Variants in BOK observed in about 807,000 individuals in gnomAD.
BOK encodes BCL2 family apoptosis regulator BOK.
Under a neutral mutation model 18.3 loss-of-function variants are expected in BOK, and 20 were observed. The ratio of observed to expected loss-of-function variants is 1.09; its 90% confidence interval spans 0.77 to 1.59. BOK has a LOEUF of 1.59. Among genes scored for constraint, BOK ranks in the 40% most tolerant of loss-of-function variants. The pLI, the probability that BOK is intolerant of heterozygous loss-of-function variation, is 0.00. For synonymous variants in BOK, 173 were observed against 142.4 expected (o/e 1.21, Z -1.53); for missense variants, 348 against 307.9 (o/e 1.13, Z -0.97).
In BOK at chr2:241,568,829, GTGAC is replaced by G. The variant is rs576573691; in HGVS notation, c.350-1292_350-1289del. Among the ~76,000 whole-genome samples the G allele has an allele frequency of 1.4e-3, 206 of 152,376 alleles. 1 individual carries two copies. Among genetic ancestry groups the G allele is most frequent in the African/African-American group, 4.4e-3 (185 of 41,590 alleles). On this transcript the variant is annotated intron_variant, in intron 3 of 4. Coordinates refer to ENST00000318407, the MANE Select transcript of BOK (RefSeq NM_032515.5). ...TGTGAATTGGCTGCTGTGAATGTCTGTGACTGAGTGTTTGTTTGAGCTGATTTAT... is the reference window on the plus strand; with the variant it reads ...TGTGAATTGGCTGCTGTGAATGTCTGTGAGTGTTTGTTTGAGCTGATTTAT...
intron 2 of BOK, among the ~76,000 whole-genome samples, chr2:241,561,443 C>A (rs1275286832): frequency 6.6e-6 from 1 of 150,468 alleles, no homozygotes; most frequent in Non-Finnish European, 1.5e-5. Flanking sequence ...AGCGGCCCAG[C>A]CAGCCCAGGT....
chr2:241,552,064 G>C (rs1033248849), intron 1 of BOK, among the ~76,000 whole-genome samples: 1 of 152,220 alleles, frequency 6.6e-6, no homozygotes, highest in Non-Finnish European at 1.5e-5. Flanking sequence ...GTCTCACTGA[G>C]GGTGCTGGGG....
At position 241,558,889 on chromosome 2, in the gene BOK, GC is replaced by G. The variant is rs2066478402; in HGVS notation, c.-133del. 1 of 151,824 alleles carries G rather than the reference GC, an allele frequency of 6.6e-6. No individual in the cohort carries two copies. Among genetic ancestry groups the G allele is most frequent in the Non-Finnish European group, 1.5e-5 (1 of 67,922 alleles). The allele number at this position is 151,824 out of a possible 1,614,324, so 9.4% of individuals were successfully genotyped here. A position where few individuals can be genotyped will look rare whatever the true frequency, so the allele number is the denominator to read the frequency against. On this transcript the variant is annotated 5_prime_UTR_variant, in exon 1 of 5. Coordinates refer to ENST00000318407, the MANE Select transcript of BOK (RefSeq NM_032515.5). ...GACGGGGCGGGCGCCGGGGCGGGGCGCGCGTCCTCGCGGGTCTGAATGGAAG... is the reference window on the plus strand; with the variant it reads ...GACGGGGCGGGCGCCGGGGCGGGGCGGCGTCCTCGCGGGTCTGAATGGAAG...
rs990497149 is a variant in BOK at position 241,572,554 on chromosome 2, G to A, written c.*132G>A. The A allele has an allele frequency of 1.8e-5, 25 of 1,369,922 alleles. No individual in the cohort carries two copies. Among genetic ancestry groups the A allele is most frequent in the East Asian group, 1.8e-4 (7 of 39,692 alleles). The allele number at this position is 1,369,922 out of a possible 1,614,324, so 84.9% of individuals were successfully genotyped here. ...AACCCTCGGAGACCCCCTAAGCCCCGTTCCTCCGCAGACCCAGGCCCTCCG... is the reference window on the plus strand; with the variant it reads ...AACCCTCGGAGACCCCCTAAGCCCCATTCCTCCGCAGACCCAGGCCCTCCG... On this transcript the variant is annotated 3_prime_UTR_variant, in exon 5 of 5. Transcript: ENST00000318407.
At chr2:241,554,279 TAGAG>T (rs1451324329), upstream of BOK, among the ~76,000 whole-genome samples, 1 of 151,672 alleles carries the variant, frequency 6.6e-6, no homozygotes, top group Non-Finnish European at 1.5e-5. Context: ...AGAGATGAGA[TAGAG>T]AGGAGCCATG....
Position 241,562,875 on chromosome 2 carries a change from CA to C in BOK, c.349+401del, listed in dbSNP as rs142585156. ...GGTGCTGTGTCCCAAGGAGGAGTGG[CA>C]AGGAGCAGGTTTCCCAGACAGCTCC... On this transcript the variant is annotated intron_variant, in intron 3 of 4. Transcript: ENST00000318407. The surrounding 1 kb of genome is among the most constrained non-coding windows in gnomAD (Gnocchi z 4.5). Among the ~76,000 whole-genome samples, 3,283 of 152,204 alleles carry C rather than the reference CA, an allele frequency of 0.022. 127 individuals are homozygous for C. The highest frequency in any genetic ancestry group is 0.075 in the African/African-American group (3,097 of 41,514).
At chr2:241,569,690 C>T (rs1373921845) in intron 3 of BOK, among the ~76,000 whole-genome samples, 1 of 152,204 alleles carries the variant, frequency 6.6e-6, no homozygotes, top group Admixed American at 6.5e-5. Context: ...TTCAAGGCTG[C>T]TCCCATCTCA....
intron 3 of BOK, among the ~76,000 whole-genome samples, chr2:241,565,906 AT>A (rs1341229406): frequency 1.2e-4 from 19 of 152,284 alleles, no homozygotes; most frequent in African/African-American, 4.3e-4. Context: ...AATAGTGTTT[AT>A]TTTTTTCTTT....
chr2:241,553,230 A>T (rs2066427001), intron 1 of BOK, among the ~76,000 whole-genome samples: 1 of 152,168 alleles, frequency 6.6e-6, no homozygotes, highest in Admixed American at 6.5e-5. Flanking sequence ...AGCTCACTGC[A>T]ACCTCCGCCT....
chr2:241,555,461 C>T (rs896154043), upstream of BOK, among the ~76,000 whole-genome samples: 1 of 151,954 alleles, frequency 6.6e-6, no homozygotes, highest in African/African-American at 2.4e-5. Flanking sequence ...CCGCAACCTC[C>T]GACTCCTGGG....
chr2:241,559,589 C>A lies in BOK; in HGVS notation c.106C>A (p.Arg36=). ...ELVAQAKALG[R]EYVHARLLRA... ...GGTGGCCCAGGCCAAGGCGCTGGGC[C>A]GGGAGTACGTGCACGCGCGGCTGCT... The change falls in exon 2 of 5, where the codon CGG becomes AGG. Residue 36 remains arginine (R), a synonymous_variant. Transcript: ENST00000318407. The A allele has an allele frequency of 6.6e-7, 1 of 1,508,560 alleles. No homozygotes were observed. The highest frequency in any genetic ancestry group is 8.8e-7 in the Non-Finnish European group (1 of 1,137,060). The allele number at this position is 1,508,560 out of a possible 1,614,324, so 93.4% of individuals were successfully genotyped here. A position where few individuals can be genotyped will look rare whatever the true frequency, so the allele number is the denominator to read the frequency against.
rs1390118749 is a variant in BOK at position 241,562,674 on chromosome 2, G to A, written c.349+198G>A. Among the ~76,000 whole-genome samples the A allele has an allele frequency of 6.6e-6, 1 of 152,252 alleles. No homozygotes were observed. Among genetic ancestry groups the A allele is most frequent in the Admixed American group, 6.5e-5 (1 of 15,288 alleles). Reference sequence around the variant, plus strand: ...CAAACCACAGCATTCAGGGTCTCTTGTGGTTCTGCAGGCTGGTGGGCATGC... The same window carrying A: ...CAAACCACAGCATTCAGGGTCTCTTATGGTTCTGCAGGCTGGTGGGCATGC... On this transcript the variant is annotated intron_variant, in intron 3 of 4. Transcript: ENST00000318407. The surrounding 1 kb of genome is among the most constrained non-coding windows in gnomAD (Gnocchi z 4.5).
upstream of BOK, among the ~76,000 whole-genome samples, chr2:241,558,352 A>G (rs1232777394): frequency 6.6e-6 from 1 of 152,254 alleles, no homozygotes; most frequent in Non-Finnish European, 1.5e-5. Flanking sequence ...GACATCACTA[A>G]GAGTAACTCC....
At chr2:241,552,402 C>T (rs1201939716) in intron 1 of BOK, among the ~76,000 whole-genome samples, 10 of 152,206 alleles carry the variant, frequency 6.6e-5, no homozygotes, top group Admixed American at 2.0e-4. Context: ...CCTCTGGCCT[C>T]TCCACGCCGC....
Position 241,562,350 on chromosome 2 carries a change from G to A in BOK, c.223G>A (p.Asp75Asn), listed in dbSNP as rs759867602. The change falls in exon 3 of 5, where the codon GAT becomes AAT. Residue 75 changes from aspartate to asparagine, a missense_variant and splice_region_variant. Physicochemically the swap from Asp to Asn is conservative, Grantham distance 23. Coordinates refer to ENST00000318407, the MANE Select transcript of BOK (RefSeq NM_032515.5). This position sits in a 1 kb window ranked among gnomAD's most constrained non-coding sequence, Gnocchi z 4.5. ...EVCAVLLRLG[D>N]ELEMIRPSVY... Reference sequence around the variant, plus strand: ...CACCTGCTCTTGTGACCACACAGGCGATGAGCTGGAGATGATCCGGCCCAG... The same window carrying A: ...CACCTGCTCTTGTGACCACACAGGCAATGAGCTGGAGATGATCCGGCCCAG... The A allele has an allele frequency of 5.6e-6, 9 of 1,600,766 alleles. No homozygotes were observed. Among genetic ancestry groups the A allele is most frequent in the East Asian group, 2.2e-5 (1 of 44,774 alleles).
At chr2:241,566,488 T>C (rs1283900499) in intron 3 of BOK, among the ~76,000 whole-genome samples, 1 of 151,694 alleles carries the variant, frequency 6.6e-6, no homozygotes, top group South Asian at 2.1e-4. Context: ...TAGTATTATT[T>C]ATATTATTAG....
chr2:241,557,032 C>G (rs974531510), upstream of BOK, among the ~76,000 whole-genome samples: 14 of 152,136 alleles, frequency 9.2e-5, no homozygotes, highest in African/African-American at 2.9e-4. Context: ...CTTTTTATCC[C>G]TTTAATGCTT....
At chr2:241,558,697 C>A (rs1294406620), upstream of BOK, 6 of 152,290 alleles carry the variant, frequency 3.9e-5, no homozygotes, top group Non-Finnish European at 5.9e-5. Context: ...TCCCCGACTC[C>A]GCCCCCAGGG....
chr2:241,559,787 G>A, intron 2 of BOK, 84 bp downstream of exon 2: 1 of 1,246,804 alleles, frequency 8.0e-7, no homozygotes, highest in Non-Finnish European at 1.0e-6. Flanking sequence ...ATGGGGGTCC[G>A]GCCCAGGGGC....
Sources: gnomAD v4.1 joint callset for allele counts (sites outside exome capture counted in the v4.1 genomes callset) on GRCh38, gnomAD v4.1.1 for gene constraint, Gnocchi (gnomAD v3.1) non-coding constraint, MANE v1.5 for transcripts, NCBI Gene and HGNC (gene_info 2026-07-23, HGNC 2026-07-21) for gene names.